Variants in MAPRE2 observed in about 807,000 individuals in gnomAD.
The protein encoded by MAPRE2 is microtubule-associated protein RP/EB family member 2.
In MAPRE2, 13 loss-of-function variants were observed where a neutral mutation model predicts 43.2. The ratio of observed to expected loss-of-function variants is 0.30; its 90% confidence interval spans 0.20 to 0.48. The LOEUF is 0.48. Among genes scored for constraint, MAPRE2 ranks in the 20% least tolerant of loss-of-function variants. The pLI is 0.99. For synonymous variants in MAPRE2, 135 were observed against 148.8 expected, an observed-to-expected ratio of 0.91 and a Z score of 0.68; for missense variants, 161 against 400.2, an observed-to-expected ratio of 0.40 and a Z score of 5.10.
chr18:35,125,967 T>C (rs1245390354), intron 4 of MAPRE2, among the ~76,000 whole-genome samples: 1 of 152,232 alleles, frequency 6.6e-6, no homozygotes, highest in African/African-American at 2.4e-5. Context: ...CAAAACCCTC[T>C]CACCTAAAGT....
At chr18:35,139,535 C>A (rs1043625502) in intron 6 of MAPRE2, among the ~76,000 whole-genome samples, 1 of 152,150 alleles carries the variant, frequency 6.6e-6, no homozygotes, top group African/African-American at 2.4e-5. Context: ...GTGGGAAGAA[C>A]AATTCACCTA....
intron 1 of MAPRE2, among the ~76,000 whole-genome samples, chr18:35,061,667 G>T (rs1739406784): frequency 6.6e-6 from 1 of 152,144 alleles, no homozygotes; most frequent in African/African-American, 2.4e-5. Context: ...CATGCATACG[G>T]CAATTAGTCC....
chr18:35,024,931 T>A (rs1381162897), intron 2 of MAPRE2, among the ~76,000 whole-genome samples: 1 of 152,120 alleles, frequency 6.6e-6, no homozygotes, highest in African/African-American at 2.4e-5. Flanking sequence ...TATAAAAAAA[T>A]ACAGGTTAAC....
upstream of MAPRE2, among the ~76,000 whole-genome samples, chr18:35,040,823 A>G (rs183458748): frequency 6.6e-6 from 1 of 152,282 alleles, no homozygotes; most frequent in African/African-American, 2.4e-5. Flanking sequence ...TAATCCTCAC[A>G]TTATTAAAGG....
At chr18:35,053,649 A>T (rs184106718) in intron 1 of MAPRE2, among the ~76,000 whole-genome samples, 48 of 152,240 alleles carry the variant, frequency 3.2e-4, no homozygotes, top group East Asian at 3.9e-4. Context: ...CCACTATTAA[A>T]TTTAAGAGGA....
At chr18:35,031,221 T>G (rs2069360204) in intron 2 of MAPRE2, among the ~76,000 whole-genome samples, 1 of 152,234 alleles carries the variant, frequency 6.6e-6, no homozygotes, top group African/African-American at 2.4e-5. Context: ...TACAAATTTC[T>G]GCATCTCTGA....
At chr18:35,124,401 A>G (rs141953061) in intron 4 of MAPRE2, among the ~76,000 whole-genome samples, 2,762 of 152,312 alleles carry the variant, frequency 0.018, 77 homozygotes, top group African/African-American at 0.06. Flanking sequence ...TATGGGAACT[A>G]CAATTCAAGA....
intron 6 of MAPRE2, 82 bp downstream of exon 6, chr18:35,132,272 A>T: frequency 7.6e-7 from 1 of 1,313,316 alleles, no homozygotes; most frequent in Non-Finnish European, 1.1e-6. Flanking sequence ...TCCTTAGAAT[A>T]CTTCCCCAGG....
At chr18:35,015,116 C>T (rs558144638) in intron 2 of MAPRE2, among the ~76,000 whole-genome samples, 1 of 152,168 alleles carries the variant, frequency 6.6e-6, no homozygotes, top group East Asian at 1.9e-4. Flanking sequence ...TTCCTCTACC[C>T]CCCTTCACTT....
chr18:35,018,378 T>C (rs76984223), intron 2 of MAPRE2, among the ~76,000 whole-genome samples: 2,931 of 152,156 alleles, frequency 0.019, 89 homozygotes, highest in African/African-American at 0.066. Context: ...TCAGCAGAAT[T>C]GATACCAGTT....
chr18:34,981,893 T>TTTA (rs1568959719), intron 1 of MAPRE2, among the ~76,000 whole-genome samples: 4 of 148,102 alleles, frequency 2.7e-5, no homozygotes, highest in African/African-American at 1.0e-4. Context: ...ATTTATTTTT[T>TTTA]TTTTTTTTTG....
chr18:35,020,183 A>G (rs1448597008), intron 2 of MAPRE2, among the ~76,000 whole-genome samples: 8 of 152,100 alleles, frequency 5.3e-5, no homozygotes, highest in African/African-American at 1.9e-4. Flanking sequence ...GATTATCAGG[A>G]TAACATCAAA....
intron 4 of MAPRE2, among the ~76,000 whole-genome samples, chr18:35,121,608 T>A (rs1266915216): frequency 6.6e-6 from 1 of 152,202 alleles, no homozygotes; most frequent in South Asian, 2.1e-4. Context: ...TGAAAAAAAA[T>A]TTGAAATGTT....
In MAPRE2 at chr18:35,074,511, T is replaced by C. The variant is rs542021498; in HGVS notation, c.250+4189T>C. On this transcript the variant is annotated intron_variant, in intron 2 of 6. Transcript: ENST00000300249. ...GGTGGAGTGGGAGAAAGTACATCTT[T>C]TCCTTGAAAGTACATATTTTCCTTC... 2.0e-5 allele frequency among the ~76,000 whole-genome samples: 3 copies of C among 152,244 alleles called. No homozygotes were observed. The East Asian group carries it at 5.8e-4, about 29-fold the overall frequency.
At chr18:35,078,934 G>A (rs145829661) in intron 2 of MAPRE2, among the ~76,000 whole-genome samples, 184 of 152,150 alleles carry the variant, frequency 1.2e-3, no homozygotes, top group Non-Finnish European at 1.8e-3. Context: ...AGTAGAGTGG[G>A]GAAAGAGCCG....
At position 35,041,442 on chromosome 18, in the gene MAPRE2, C is replaced by G; in HGVS notation, c.-98C>G. 3 of 1,595,248 alleles carry G rather than the reference C, an allele frequency of 1.9e-6. No homozygotes were observed. Among genetic ancestry groups the G allele is most frequent in the Non-Finnish European group, 2.6e-6 (3 of 1,170,634 alleles). On this transcript the variant is annotated 5_prime_UTR_variant, in exon 1 of 7. Coordinates refer to ENST00000300249, the MANE Select transcript of MAPRE2 (RefSeq NM_014268.4). ...AGGCAGTGAGCGAGCAGGCGGCAGG[C>G]ACGGTCCGTGCGGAGCAGGCGAGCG...
At chr18:35,089,963 T>C (rs1386360526) in intron 2 of MAPRE2, among the ~76,000 whole-genome samples, 1 of 152,030 alleles carries the variant, frequency 6.6e-6, no homozygotes, top group Non-Finnish European at 1.5e-5. Context: ...AGAAAAAAAA[T>C]GAAGTTCTGA....
rs111470821 is a variant in MAPRE2 at position 35,101,531 on chromosome 18, TC to T, written c.397-411del. Reference sequence around the variant, plus strand: ...CTAACTTTTTTGTACCCAATCACCATCCCCAACTCCCCCTTTCCAGCCACTA... The same window carrying T: ...CTAACTTTTTTGTACCCAATCACCATCCCAACTCCCCCTTTCCAGCCACTA... On this transcript the variant is annotated intron_variant, in intron 3 of 6. Transcript: ENST00000300249. 3.8e-3 allele frequency among the ~76,000 whole-genome samples: 574 copies of T among 152,244 alleles called. 5 individuals are homozygous for T. The highest frequency in any genetic ancestry group is 0.013 in the African/African-American group (547 of 41,546).
intron 1 of MAPRE2, among the ~76,000 whole-genome samples, chr18:34,996,029 G>C (rs902595084): frequency 5.9e-5 from 9 of 152,194 alleles, no homozygotes; most frequent in Non-Finnish European, 1.3e-4. Flanking sequence ...CGCTGTCACA[G>C]ATGAACCTGA....
Sources: gnomAD v4.1 joint callset for allele counts (sites outside exome capture counted in the v4.1 genomes callset) on GRCh38, gnomAD v4.1.1 for gene constraint, MANE v1.5 for transcripts, NCBI Gene and HGNC (gene_info 2026-07-23, HGNC 2026-07-21) for gene names.